Variants in SHISA8 observed in about 807,000 individuals in gnomAD.
SHISA8 encodes the protein protein shisa-8.
In SHISA8, 21 loss-of-function variants were observed where a neutral mutation model predicts 21.1. The ratio of observed to expected loss-of-function variants is 0.99; its 90% confidence interval spans 0.71 to 1.43. The LOEUF (loss-of-function observed/expected upper bound fraction) is 1.43. SHISA8 is among the 40% of genes most tolerant of loss of function. The pLI is 0.00. For synonymous variants in SHISA8, 300 were observed against 291.4 expected, an observed-to-expected ratio of 1.03 and a Z score of -0.30; for missense variants, 535 against 599.1, an observed-to-expected ratio of 0.89 and a Z score of 1.12.
Position 41,914,484 on chromosome 22 carries a change from C to G in SHISA8, c.184G>C (p.Gly62Arg). 3.1e-6 allele frequency: 4 copies of G among 1,301,640 alleles called. No homozygotes were observed. The highest frequency in any genetic ancestry group is 2.9e-6 in the Non-Finnish European group (3 of 1,021,890). 80.6% of individuals were successfully genotyped at this position (1,301,640 alleles called of 1,614,324 possible). Reference protein sequence around the residue: ...TAPEGGDRCRGYYDVMGQWDP... With the variant: ...TAPEGGDRCRRYYDVMGQWDP... ...CACTGGCCCATCACGTCGTAGTAGC[C>G]GCGGCAGCGGTCGCCCCCCTCCGGG... is the stretch of plus-strand genomic sequence containing the variant. Residue 62 changes from glycine (G) to arginine (R), a missense_variant, in exon 1 of 4, where the codon GGC becomes CGC. Coordinates refer to ENST00000621082, the MANE Select transcript of SHISA8 (RefSeq NM_001207020.3). The surrounding 1 kb of genome is among the most constrained non-coding windows in gnomAD (Gnocchi z 6.8).
At chr22:41,912,215 A>G (rs2077557477) in intron 1 of SHISA8, among the ~76,000 whole-genome samples, 1 of 152,090 alleles carries the variant, frequency 6.6e-6, no homozygotes, top group African/African-American at 2.4e-5. Flanking sequence ...ACCTCCTTGG[A>G]CCCAACACCC....
chr22:41,914,751 G>T lies in SHISA8; in HGVS notation c.-84C>A. 1.1e-6 allele frequency: 1 copy of T among 945,590 alleles called. No homozygotes were observed. Among genetic ancestry groups the T allele is most frequent in the Non-Finnish European group, 1.3e-6 (1 of 791,260 alleles). The allele number at this position is 945,590 out of a possible 1,614,324, so 58.6% of individuals were successfully genotyped here. ...GGCTCGGCTCCTCCGCTCCCGCAGGGATCGCGCTGGCTCCCGGCGCACGCC... is the reference window on the plus strand; with the variant it reads ...GGCTCGGCTCCTCCGCTCCCGCAGGTATCGCGCTGGCTCCCGGCGCACGCC... On this transcript the variant is annotated 5_prime_UTR_variant, in exon 1 of 4. Transcript: ENST00000621082. This position sits in a 1 kb window ranked among gnomAD's most constrained non-coding sequence, Gnocchi z 6.8.
chr22:41,910,446 T>C lies in SHISA8; in HGVS notation c.773A>G (p.Lys258Arg). 1 of 1,353,796 alleles carries C rather than the reference T, an allele frequency of 7.4e-7. No individual in the cohort carries two copies. 83.9% of individuals were successfully genotyped at this position (1,353,796 alleles called of 1,614,324 possible). A position where few individuals can be genotyped will look rare whatever the true frequency, so the allele number is the denominator to read the frequency against. ...CGCGGCGGCCTTGAACGTGGCGTAC[T>C]TGGCGTAGTCTGGCTGCAGCGTCAG... ...GSLTLQPDYA[K>R]YATFKAAALK... The change falls in exon 3 of 4, where the codon AAG (lysine) becomes AGG (arginine). Residue 258 changes from lysine to arginine, a missense_variant. Lys to Arg is a conservative substitution (Grantham distance 26). Coordinates refer to ENST00000621082, the MANE Select transcript of SHISA8 (RefSeq NM_001207020.3). The surrounding 1 kb of genome is among the most constrained non-coding windows in gnomAD (Gnocchi z 6.8).
At chr22:41,911,905 C>A (rs999355687) in intron 1 of SHISA8, among the ~76,000 whole-genome samples, 1 of 152,194 alleles carries the variant, frequency 6.6e-6, no homozygotes, top group African/African-American at 2.4e-5. Context: ...TGCCACCACA[C>A]CTAGCTAATT....
intron 1 of SHISA8, among the ~76,000 whole-genome samples, chr22:41,913,614 G>T (rs1292722120): frequency 9.2e-5 from 14 of 152,204 alleles, no homozygotes; most frequent in Non-Finnish European, 1.5e-4. Flanking sequence ...GTGGCATGGG[G>T]TGAGTGGGGG....
In SHISA8 at chr22:41,914,497, G is replaced by A; in HGVS notation, c.171C>T (p.Gly57=). 4 of 1,281,606 alleles carry A rather than the reference G, an allele frequency of 3.1e-6. No individual in the cohort carries two copies. The highest frequency in any genetic ancestry group is 4.0e-6 in the Non-Finnish European group (4 of 1,012,432). 79.4% of individuals were successfully genotyped at this position (1,281,606 alleles called of 1,614,324 possible). The change falls in exon 1 of 4, where the codon GGC becomes GGT. Residue 57 remains glycine (G), a synonymous_variant. Transcript: ENST00000621082. The surrounding 1 kb of genome is among the most constrained non-coding windows in gnomAD (Gnocchi z 6.8). ...AAPGTTAPEG[G]DRCRGYYDVM... ...CGTCGTAGTAGCCGCGGCAGCGGTC[G>A]CCCCCCTCCGGGGCTGTCGTGCCGG...
chr22:41,910,945 C>T lies in SHISA8; in HGVS notation c.664+271G>A, dbSNP rs1355952598. On this transcript the variant is annotated intron_variant, in intron 2 of 3. Coordinates refer to ENST00000621082, the MANE Select transcript of SHISA8 (RefSeq NM_001207020.3). The surrounding 1 kb of genome is among the most constrained non-coding windows in gnomAD (Gnocchi z 6.8). ...AGAGACCCAGGGGGAGGCTCTGGAG[C>T]CCGAGCCTCAGATCACAGCCCCGGC... Among the ~76,000 whole-genome samples the T allele has an allele frequency of 6.6e-6, 1 of 152,176 alleles. No individual in the cohort carries two copies. Among genetic ancestry groups the T allele is most frequent in the Non-Finnish European group, 1.5e-5 (1 of 68,020 alleles).
chr22:41,909,942 G>C lies in SHISA8; in HGVS notation c.1017C>G (p.Leu339=), dbSNP rs770132404. ...GGAAGGCCCGAGCCGTCGGGTGGCT[G>C]AGCGGGGCGGGCCGGGCCGGGCGAC... ...TSSRPARPAP[L]SHPTARAFQV... is the part of the protein sequence containing the mutation. The change falls in exon 4 of 4, where the codon CTC becomes CTG. Residue 339 remains leucine, a synonymous_variant. Coordinates refer to ENST00000621082, the MANE Select transcript of SHISA8 (RefSeq NM_001207020.3). 2.1e-5 allele frequency: 32 copies of C among 1,515,358 alleles called. No homozygotes were observed. In the South Asian group the frequency reaches 3.9e-4, roughly 19 times the overall value. The allele number at this position is 1,515,358 out of a possible 1,614,324, so 93.9% of individuals were successfully genotyped here.
chr22:41,914,655 C>T lies in SHISA8; in HGVS notation c.13G>A (p.Gly5Arg), dbSNP rs998530935. ...CGGCCGCCGAGCAGTCCCCGCGCCC[C>T]GGCCCGCGCCATCGGGCCCGCGCCT... MARA[G>R]ARGLLGGRRP... The change falls in exon 1 of 4, where the codon GGG (glycine) becomes AGG (arginine). Residue 5 changes from glycine (G) to arginine (R), a missense_variant. Coordinates refer to ENST00000621082, the MANE Select transcript of SHISA8 (RefSeq NM_001207020.3). This position sits in a 1 kb window ranked among gnomAD's most constrained non-coding sequence, Gnocchi z 6.8. 11 of 1,019,354 alleles carry T rather than the reference C, an allele frequency of 1.1e-5. No homozygotes were observed. The highest frequency in any genetic ancestry group is 1.2e-5 in the Non-Finnish European group (10 of 854,306). The allele number at this position is 1,019,354 out of a possible 1,614,324, so 63.1% of individuals were successfully genotyped here.
chr22:41,912,653 C>T (rs947928949), intron 1 of SHISA8, among the ~76,000 whole-genome samples: 1 of 152,144 alleles, frequency 6.6e-6, no homozygotes, highest in African/African-American at 2.4e-5. Context: ...GGGTGAGACT[C>T]GAGGGGAGGA....
At position 41,909,815 on chromosome 22, in the gene SHISA8, G is replaced by A; in HGVS notation, c.1144C>T (p.Arg382Cys). The change falls in exon 4 of 4, where the codon CGC (arginine) becomes TGC (cysteine). Residue 382 changes from arginine to cysteine, a missense_variant. By Grantham distance (180) the Arg-to-Cys change is radical. Coordinates refer to ENST00000621082, the MANE Select transcript of SHISA8 (RefSeq NM_001207020.3). ...QLPGLYGSAG[R>C]GSRYLRTNSK... is the part of the protein sequence containing the mutation. ...TTGGTCCTTAGGTACCGGGACCCGC[G>A]GCCCGCGCTGCCGTAAAGGCCGGGG... 1.3e-6 allele frequency: 2 copies of A among 1,519,678 alleles called. No homozygotes were observed. The highest frequency in any genetic ancestry group is 2.4e-5 in the South Asian group (2 of 81,696). The allele number at this position is 1,519,678 out of a possible 1,614,324, so 94.1% of individuals were successfully genotyped here.
In SHISA8 at chr22:41,910,477, CGCCGCCCTGCA is replaced by C; in HGVS notation, c.731_741del (p.Leu244ArgfsTer120). 7.8e-7 allele frequency: 1 copy of C among 1,277,826 alleles called. No homozygotes were observed. The highest frequency in any genetic ancestry group is 9.8e-7 in the Non-Finnish European group (1 of 1,019,100). 79.2% of individuals were successfully genotyped at this position (1,277,826 alleles called of 1,614,324 possible). A position where few individuals can be genotyped will look rare whatever the true frequency, so the allele number is the denominator to read the frequency against. ...TAGTCTGGCTGCAGCGTCAGGCTGC[CGCCGCCCTGCA>C]GCCGCGGGCCGCGCGGGGGCCCCGG... On this transcript the variant is annotated frameshift_variant, in exon 3 of 4. Transcript: ENST00000621082. LOFTEE classifies it high-confidence loss of function. This position sits in a 1 kb window ranked among gnomAD's most constrained non-coding sequence, Gnocchi z 6.8.
Position 41,914,757 on chromosome 22 carries a change from G to T in SHISA8, c.-90C>A. The T allele has an allele frequency of 2.2e-6, 2 of 923,514 alleles. No homozygotes were observed. The highest frequency in any genetic ancestry group is 1.1e-4 in the East Asian group (1 of 8,924). The allele number at this position is 923,514 out of a possible 1,614,324, so 57.2% of individuals were successfully genotyped here. A position where few individuals can be genotyped will look rare whatever the true frequency, so the allele number is the denominator to read the frequency against. On this transcript the variant is annotated 5_prime_UTR_variant, in exon 1 of 4. Coordinates refer to ENST00000621082, the MANE Select transcript of SHISA8 (RefSeq NM_001207020.3). The surrounding 1 kb of genome is among the most constrained non-coding windows in gnomAD (Gnocchi z 6.8). Reference sequence around the variant, plus strand: ...GCTCCTCCGCTCCCGCAGGGATCGCGCTGGCTCCCGGCGCACGCCGCCTCG... The same window carrying T: ...GCTCCTCCGCTCCCGCAGGGATCGCTCTGGCTCCCGGCGCACGCCGCCTCG...
rs1481363867 is a variant in SHISA8 at position 41,910,530 on chromosome 22, G to A, written c.689C>T (p.Pro230Leu). 14 of 1,242,890 alleles carry A rather than the reference G, an allele frequency of 1.1e-5. No homozygotes were observed. The highest frequency in any genetic ancestry group is 2.6e-4 in the Middle Eastern group (1 of 3,796). 77.0% of individuals were successfully genotyped at this position (1,242,890 alleles called of 1,614,324 possible). A position where few individuals can be genotyped will look rare whatever the true frequency, so the allele number is the denominator to read the frequency against. The change falls in exon 3 of 4, where the codon CCC becomes CTC. Residue 230 changes from proline to leucine, a missense_variant. Coordinates refer to ENST00000621082, the MANE Select transcript of SHISA8 (RefSeq NM_001207020.3). This position sits in a 1 kb window ranked among gnomAD's most constrained non-coding sequence, Gnocchi z 6.8. ...GGGCCCCGGGGCGGCCGACCCCCGGGGCGCGTTGTTGAGGCGCTTCTTGTC... is the reference window on the plus strand; with the variant it reads ...GGGCCCCGGGGCGGCCGACCCCCGGAGCGCGTTGTTGAGGCGCTTCTTGTC... ...SADKKRLNNA[P>L]RGSAAPGPPR...
At position 41,910,215 on chromosome 22, in the gene SHISA8, C is replaced by G. The variant is rs2077539282; in HGVS notation, c.812-68G>C. ...CCAAGCTCAGGACTGGACAAGGGGT[C>G]CCGGCCGGGGACTGGGACGGGGACC... On this transcript the variant is annotated intron_variant, in intron 3 of 3. Coordinates refer to ENST00000621082, the MANE Select transcript of SHISA8 (RefSeq NM_001207020.3). This position sits in a 1 kb window ranked among gnomAD's most constrained non-coding sequence, Gnocchi z 6.8. 2 of 1,227,216 alleles carry G rather than the reference C, an allele frequency of 1.6e-6. No individual in the cohort carries two copies. The highest frequency in any genetic ancestry group is 6.5e-5 in the East Asian group (2 of 30,748). The allele number at this position is 1,227,216 out of a possible 1,614,324, so 76.0% of individuals were successfully genotyped here.
Position 41,909,993 on chromosome 22 carries a change from C to T in SHISA8, c.966G>A (p.Pro322=), listed in dbSNP as rs1397654654. 4.6e-6 allele frequency: 6 copies of T among 1,317,140 alleles called. No individual in the cohort carries two copies. The highest frequency in any genetic ancestry group is 5.8e-6 in the Non-Finnish European group (6 of 1,041,466). 81.6% of individuals were successfully genotyped at this position (1,317,140 alleles called of 1,614,324 possible). The change falls in exon 4 of 4, where the codon CCG becomes CCA. Residue 322 remains proline (P), a synonymous_variant. Coordinates refer to ENST00000621082, the MANE Select transcript of SHISA8 (RefSeq NM_001207020.3). ...APPVYAPPAA[P]GPYAAWTSSR... The stretch of plus-strand genomic sequence containing the variant: ...TGGAGGTCCAGGCGGCATAGGGGCC[C>T]GGCGCGGCAGGGGGCGCGTAGACCG...
chr22:41,914,539 C>A lies in SHISA8; in HGVS notation c.129G>T (p.Ala43=). 3 of 1,200,640 alleles carry A rather than the reference C, an allele frequency of 2.5e-6. No homozygotes were observed. The highest frequency in any genetic ancestry group is 4.4e-5 in the Admixed American group (1 of 22,472). 74.4% of individuals were successfully genotyped at this position (1,200,640 alleles called of 1,614,324 possible). A position where few individuals can be genotyped will look rare whatever the true frequency, so the allele number is the denominator to read the frequency against. ...PPSGRAGAPE[A]QGPAAPGTTA... is the part of the protein sequence containing the mutation. The stretch of plus-strand genomic sequence containing the variant: ...TCGTGCCGGGCGCCGCGGGACCCTG[C>A]GCCTCGGGGGCTCCCGCGCGGCCCG... Residue 43 remains alanine (A), a synonymous_variant, in exon 1 of 4, where the codon GCG becomes GCT. Coordinates refer to ENST00000621082, the MANE Select transcript of SHISA8 (RefSeq NM_001207020.3). The surrounding 1 kb of genome is among the most constrained non-coding windows in gnomAD (Gnocchi z 6.8).
chr22:41,909,915 C>G lies in SHISA8; in HGVS notation c.1044G>C (p.Gln348His). Residue 348 changes from glutamine (Q) to histidine (H), a missense_variant, in exon 4 of 4, where the codon CAG becomes CAC. Transcript: ENST00000621082. ...CCGCGTGCCCGGGTCGCCGGGGTACCTGGAAGGCCCGAGCCGTCGGGTGGC... is the reference window on the plus strand; with the variant it reads ...CCGCGTGCCCGGGTCGCCGGGGTACGTGGAAGGCCCGAGCCGTCGGGTGGC... ...PLSHPTARAFQVPRRPGHAAR... is the reference protein window; with the variant it reads ...PLSHPTARAFHVPRRPGHAAR... 2.0e-6 allele frequency: 3 copies of G among 1,526,382 alleles called. No individual in the cohort carries two copies. The South Asian group carries it at 3.6e-5, about 18-fold the overall frequency. 94.6% of individuals were successfully genotyped at this position (1,526,382 alleles called of 1,614,324 possible). A position where few individuals can be genotyped will look rare whatever the true frequency, so the allele number is the denominator to read the frequency against.
Position 41,909,805 on chromosome 22 carries a change from C to T in SHISA8, c.1154G>A (p.Arg385Gln), listed in dbSNP as rs887020370. 7 of 1,512,890 alleles carry T rather than the reference C, an allele frequency of 4.6e-6. No homozygotes were observed. Among genetic ancestry groups the T allele is most frequent in the African/African-American group, 2.8e-5 (2 of 71,178 alleles). 93.7% of individuals were successfully genotyped at this position (1,512,890 alleles called of 1,614,324 possible). The part of the protein sequence containing the change: ...GLYGSAGRGS[R>Q]YLRTNSKTEV... ...GGTCTTGCTATTGGTCCTTAGGTACCGGGACCCGCGGCCCGCGCTGCCGTA... is the reference window on the plus strand; with the variant it reads ...GGTCTTGCTATTGGTCCTTAGGTACTGGGACCCGCGGCCCGCGCTGCCGTA... Residue 385 changes from arginine to glutamine, a missense_variant, in exon 4 of 4, where the codon CGG becomes CAG. By Grantham distance (43) the Arg-to-Gln change is conservative. Coordinates refer to ENST00000621082, the MANE Select transcript of SHISA8 (RefSeq NM_001207020.3).
Sources: allele counts gnomAD v4.1 joint callset (sites outside exome capture counted in the v4.1 genomes callset), GRCh38; gene constraint gnomAD v4.1.1; non-coding constraint Gnocchi (gnomAD v3.1); transcripts MANE v1.5; gene names NCBI Gene and HGNC (gene_info 2026-07-23, HGNC 2026-07-21).